The following TYW1 variants were observed in gnomAD, a reference collection of about 807,000 sequenced individuals.
The protein encoded by TYW1 is tRNA-yW synthesizing protein 1 homolog.
TYW1 carries 46 observed loss-of-function variants against 96.2 expected under a neutral mutation model. The ratio of observed to expected loss-of-function variants is 0.48; its 90% CI spans 0.38 to 0.61. TYW1 has a LOEUF of 0.61. Among genes scored for constraint, TYW1 ranks in the 20% least tolerant of loss-of-function variants. The pLI is 0.00. For synonymous variants in TYW1, 274 were observed against 323.0 expected (o/e 0.85, Z 1.63); for missense variants, 684 against 909.6 (o/e 0.75, Z 3.19).
chr7:67,054,904 T>G (rs1442547907), intron 8 of TYW1, among the ~76,000 whole-genome samples: 1 of 152,218 alleles, frequency 6.6e-6, no homozygotes, highest in Admixed American at 6.5e-5. Context: ...CTCAAAAATT[T>G]GAAATGACAG....
At chr7:67,012,164 C>T (rs1366043086) in intron 4 of TYW1, among the ~76,000 whole-genome samples, 2 of 152,030 alleles carry the variant, frequency 1.3e-5, no homozygotes, top group Non-Finnish European at 2.9e-5. Context: ...ACAGCCTGGG[C>T]AACATGGTGA....
intron 15 of TYW1, among the ~76,000 whole-genome samples, chr7:67,237,224 G>C (rs1448674135): frequency 1.4e-5 from 2 of 143,760 alleles, no homozygotes; most frequent in African/African-American, 5.3e-5. Context: ...GCATGGGCCG[G>C]GCGTGGTGGC....
At chr7:66,997,025 G>A in intron 1 of TYW1, 43 bp downstream of exon 1, 1 of 1,613,014 alleles carries the variant, frequency 6.2e-7, no homozygotes, top group Middle Eastern at 1.7e-4. Flanking sequence ...CGGCAGGGGA[G>A]GTAAACGTTT....
chr7:67,028,641 G>A (rs1222228743), intron 7 of TYW1, among the ~76,000 whole-genome samples: 1 of 152,174 alleles, frequency 6.6e-6, no homozygotes. Context: ...TCAGTTAGGC[G>A]AGGCTGTGAG....
chr7:67,115,572 C>A (rs970029735), intron 12 of TYW1, among the ~76,000 whole-genome samples: 18 of 152,276 alleles, frequency 1.2e-4, no homozygotes, highest in African/African-American at 4.3e-4. Context: ...CTATATATCA[C>A]TAAGCCACAT....
At chr7:67,009,453 C>T (rs561269199) in intron 3 of TYW1, 130 bp from the exon 4 acceptor site, 2 of 734,794 alleles carry the variant, frequency 2.7e-6, no homozygotes, top group Non-Finnish European at 4.6e-6. Flanking sequence ...AATTTGTGTT[C>T]ATGAAGATAC....
chr7:67,173,974 G>A (rs2844150), intron 13 of TYW1, among the ~76,000 whole-genome samples: 9,617 of 110,284 alleles, frequency 0.087, 1,180 homozygotes, highest in African/African-American at 0.2. Flanking sequence ...TGGGTTGCAG[G>A]CAAACAACCC....
intron 13 of TYW1, among the ~76,000 whole-genome samples, chr7:67,178,819 A>G (rs1483796150): frequency 6.8e-6 from 1 of 148,136 alleles, no homozygotes; most frequent in Non-Finnish European, 1.5e-5. Flanking sequence ...TGTCTGGGTG[A>G]TGGGCATTTT....
intron 13 of TYW1, among the ~76,000 whole-genome samples, chr7:67,152,340 C>T (rs1349739626): frequency 3.3e-5 from 5 of 152,184 alleles, no homozygotes; most frequent in East Asian, 1.9e-4. Flanking sequence ...ATGGCTTCCT[C>T]GTTCATCCTC....
intron 15 of TYW1, among the ~76,000 whole-genome samples, chr7:67,213,183 T>C (rs901068460): frequency 2.7e-5 from 4 of 148,674 alleles, no homozygotes; most frequent in Admixed American, 6.7e-5. Context: ...TTTTTTTTTT[T>C]AAGAGACAAG....
At chr7:67,037,316 C>T (rs1346641209) in intron 7 of TYW1, among the ~76,000 whole-genome samples, 2 of 151,972 alleles carry the variant, frequency 1.3e-5, no homozygotes, top group African/African-American at 2.4e-5. Context: ...AGCCTGACCA[C>T]CATGGTGAAA....
At position 67,067,351 on chromosome 7, in the gene TYW1, A is replaced by G. The variant is rs759827997; in HGVS notation, c.1222A>G (p.Met408Val). Residue 408 changes from methionine to valine, a missense_variant, in exon 10 of 16, where the codon ATG becomes GTG. Coordinates refer to ENST00000359626, the MANE Select transcript of TYW1 (RefSeq NM_018264.4). The stretch of plus-strand genomic sequence containing the variant: ...CTATGGAATTGAGAGCCATCGCTGC[A>G]TGGAAACCACCCCGAGCTTGGCGTG... ...TFYGIESHRC[M>V]ETTPSLACAN... 1.2e-6 allele frequency: 2 copies of G among 1,614,010 alleles called. No individual in the cohort carries two copies. Among genetic ancestry groups the G allele is most frequent in the East Asian group, 2.2e-5 (1 of 44,890 alleles).
rs537581346 is a variant in TYW1, at chr7:67,066,027, A to C, written c.1156-1258A>C. On this transcript the variant is annotated intron_variant, in intron 9 of 15. Transcript: ENST00000359626. ...TACACACACACACACACACACACAC[A>C]CACACCCACACCCCTATACACGTGT... Among the ~76,000 whole-genome samples the C allele has an allele frequency of 9.6e-5, 13 of 135,950 alleles. 1 individual carries two copies. The South Asian group carries it at 2.9e-3, about 31-fold the overall frequency. 89.2% of individuals were successfully genotyped at this position (135,950 alleles called of 152,430 possible).
At chr7:67,234,644 G>GT (rs11373160) in intron 15 of TYW1, among the ~76,000 whole-genome samples, 40,502 of 151,660 alleles carry the variant, frequency 0.27, 5,785 homozygotes, top group African/African-American at 0.36. Flanking sequence ...CTTCCAGTTA[G>GT]TTTTTTAGAC....
chr7:67,222,400 C>A (rs1050821469), intron 15 of TYW1, among the ~76,000 whole-genome samples: 16 of 152,136 alleles, frequency 1.1e-4, no homozygotes, highest in African/African-American at 3.9e-4. Context: ...TTGATGAACT[C>A]CCTCAGCTTT....
At chr7:67,056,126 T>C (rs1795508080) in intron 9 of TYW1, among the ~76,000 whole-genome samples, 1 of 152,214 alleles carries the variant, frequency 6.6e-6, no homozygotes, top group Non-Finnish European at 1.5e-5. Context: ...CCATTTCTAG[T>C]CAATAACTCC....
At chr7:67,026,370 GC>G (rs1794455053) in intron 7 of TYW1, among the ~76,000 whole-genome samples, 1 of 152,138 alleles carries the variant, frequency 6.6e-6, no homozygotes. Context: ...ACCACACCTG[GC>G]CTACCTACAG....
chr7:67,025,992 T>C (rs1234015701), intron 7 of TYW1, among the ~76,000 whole-genome samples: 3 of 152,094 alleles, frequency 2.0e-5, no homozygotes, highest in Non-Finnish European at 4.4e-5. Flanking sequence ...TTCCAAACAA[T>C]AGCCAGTTAG....
chr7:67,235,657 C>G (rs7778900), intron 15 of TYW1, among the ~76,000 whole-genome samples: 1 of 151,732 alleles, frequency 6.6e-6, no homozygotes, highest in Non-Finnish European at 1.5e-5. Context: ...TTTGGGAGGC[C>G]GAGATGGGCG....
Sources: allele counts gnomAD v4.1 joint callset (sites outside exome capture counted in the v4.1 genomes callset), GRCh38; gene constraint gnomAD v4.1.1; transcripts MANE v1.5; gene names NCBI Gene and HGNC (gene_info 2026-07-23, HGNC 2026-07-21).